The following RCL1 variants were observed in gnomAD, a reference collection of about 807,000 sequenced individuals.
RCL1 encodes RNA terminal phosphate cyclase like 1.
A neutral mutation model predicts 42.4 loss-of-function variants in RCL1; 24 were observed. The observed-to-expected ratio is 0.57, with a 90% CI of 0.41 to 0.80. The LOEUF (loss-of-function observed/expected upper bound fraction) is 0.80, where lower values mean the gene tolerates loss of function less well. Ranked by LOEUF, RCL1 falls within the 30% of genes least tolerant of loss-of-function variation. The pLI, the probability that RCL1 is intolerant of heterozygous loss-of-function variation, is 0.00. For synonymous variants in RCL1, 228 were observed against 177.3 expected (o/e 1.29, Z -2.27); for missense variants, 578 against 467.9 (o/e 1.24, Z -2.17).
At chr9:4,841,083 G>A (rs1817301606) in intron 5 of RCL1, 149 bp from the exon 6 acceptor site, 3 of 738,404 alleles carry the variant, frequency 4.1e-6, no homozygotes, top group Non-Finnish European at 2.2e-6. Flanking sequence ...ATTTAATTAT[G>A]GTACTAATTC....
At chr9:4,858,297 A>C (rs754092817) in intron 8 of RCL1, among the ~76,000 whole-genome samples, 50 of 151,996 alleles carry the variant, frequency 3.3e-4, no homozygotes, top group Non-Finnish European at 8.8e-5. Flanking sequence ...CCAATCCTGT[A>C]GGTTGTTTTT....
chr9:4,811,251 G>C (rs1450631115), intron 1 of RCL1, among the ~76,000 whole-genome samples: 1 of 150,522 alleles, frequency 6.6e-6, no homozygotes, highest in Non-Finnish European at 1.5e-5. Flanking sequence ...CACTGCACTG[G>C]GCAATAGAGC....
intron 1 of RCL1, among the ~76,000 whole-genome samples, chr9:4,813,479 C>G (rs1816254676): frequency 1.3e-5 from 2 of 152,164 alleles, no homozygotes; most frequent in Non-Finnish European, 2.9e-5. Context: ...AAATCAAAAC[C>G]ACAGTGAGAT....
chr9:4,827,570 C>G (rs1297336999), intron 3 of RCL1, among the ~76,000 whole-genome samples: 2 of 152,126 alleles, frequency 1.3e-5, no homozygotes, highest in East Asian at 1.9e-4. Flanking sequence ...TGGGTGTCAG[C>G]AAGCTTTTGA....
chr9:4,803,184 A>T (rs1287216437), intron 1 of RCL1, among the ~76,000 whole-genome samples: 1 of 152,128 alleles, frequency 6.6e-6, no homozygotes, highest in Non-Finnish European at 1.5e-5. Flanking sequence ...TATTTATCTT[A>T]CTTAGGTCAT....
intron 1 of RCL1, among the ~76,000 whole-genome samples, chr9:4,800,435 G>A (rs1038816801): frequency 1.3e-5 from 2 of 151,048 alleles, no homozygotes; most frequent in South Asian, 2.1e-4. Context: ...GGCTGGTCTC[G>A]AACTCCTGAT....
intron 5 of RCL1, among the ~76,000 whole-genome samples, chr9:4,839,094 T>C (rs1030308877): frequency 2.6e-5 from 4 of 152,232 alleles, no homozygotes; most frequent in Admixed American, 2.6e-4. Context: ...GGAGATAATC[T>C]GATTCTAGAA....
Position 4,829,489 on chromosome 9 carries a change from G to T in RCL1, c.384+2456G>T, listed in dbSNP as rs546558431. 2.5e-3 allele frequency among the ~76,000 whole-genome samples: 382 copies of T among 152,286 alleles called. 1 individual carries two copies. The highest frequency in any genetic ancestry group is 8.6e-3 in the African/African-American group (356 of 41,550). ...GAGTGATGCTTTTTATTTTGGTCTT[G>T]TTCCCTGGGATGTTGGCAGCCTAAC... On this transcript the variant is annotated intron_variant, in intron 3 of 8. Transcript: ENST00000381750.
chr9:4,798,121 G>A (rs1029154597), intron 1 of RCL1, among the ~76,000 whole-genome samples: 1 of 152,166 alleles, frequency 6.6e-6, no homozygotes, highest in Non-Finnish European at 1.5e-5. Flanking sequence ...AAGAGAATGT[G>A]GCCAGCTCCT....
At chr9:4,824,007 C>G (rs1469745915) in intron 2 of RCL1, among the ~76,000 whole-genome samples, 1 of 152,106 alleles carries the variant, frequency 6.6e-6, no homozygotes, top group Admixed American at 6.6e-5. Flanking sequence ...GAAGGGCGTA[C>G]ATTTGATTTA....
chr9:4,813,830 C>T (rs1381185312), intron 1 of RCL1, among the ~76,000 whole-genome samples: 3 of 152,164 alleles, frequency 2.0e-5, no homozygotes, highest in East Asian at 1.9e-4. Flanking sequence ...AAATGTGGCA[C>T]ATATACACCA....
Position 4,809,350 on chromosome 9 carries a change from G to T in RCL1, c.137-14198G>T, listed in dbSNP as rs930284351. On this transcript the variant is annotated intron_variant, in intron 1 of 8. Coordinates refer to ENST00000381750, the MANE Select transcript of RCL1 (RefSeq NM_005772.5). Reference sequence around the variant, plus strand: ...TTTTTAAATGGAGTCTTGCTCTGTCGCCAGGCTGGAGTGCAGTGGCAAGAT... The same window carrying T: ...TTTTTAAATGGAGTCTTGCTCTGTCTCCAGGCTGGAGTGCAGTGGCAAGAT... Among the ~76,000 whole-genome samples the T allele has an allele frequency of 4.6e-5, 7 of 150,698 alleles. No homozygotes were observed. The South Asian group carries it at 8.4e-4, about 18-fold the overall frequency.
intron 8 of RCL1, among the ~76,000 whole-genome samples, chr9:4,850,921 G>A (rs1410198074): frequency 6.6e-6 from 1 of 152,080 alleles, no homozygotes; most frequent in African/African-American, 2.4e-5. Context: ...TTGCACACAC[G>A]GTATGAGGTA....
chr9:4,858,835 T>C (rs1251026417), intron 8 of RCL1, among the ~76,000 whole-genome samples: 2 of 152,236 alleles, frequency 1.3e-5, no homozygotes, highest in East Asian at 1.9e-4. Context: ...TACTTCACTA[T>C]AGATGTGCAA....
In RCL1 at chr9:4,858,005, G is replaced by A. The variant is rs139935675; in HGVS notation, c.972-2120G>A. ...GAGTGCAGTGGTGCAATCATAGCTC[G>A]AGTAGCTAGGACTACAGGCTCCTGC... On this transcript the variant is annotated intron_variant, in intron 8 of 8. Transcript: ENST00000381750. Among the ~76,000 whole-genome samples, 7 of 131,446 alleles carry A rather than the reference G, an allele frequency of 5.3e-5. No individual in the cohort carries two copies. The East Asian group carries it at 1.8e-3, about 34-fold the overall frequency. The allele number at this position is 131,446 out of a possible 152,430, so 86.2% of individuals were successfully genotyped here. A position where few individuals can be genotyped will look rare whatever the true frequency, so the allele number is the denominator to read the frequency against.
chr9:4,860,863 G>A lies in RCL1; in HGVS notation c.*588G>A, dbSNP rs1563865706. On this transcript the variant is annotated 3_prime_UTR_variant, in exon 9 of 9. Transcript: ENST00000381750. ...GACACGGATCTTCATCTGGTTCATT[G>A]TATTTATATGTGAGGGATGGATGGC... 3 of 152,222 alleles carry A rather than the reference G, an allele frequency of 2.0e-5. No individual in the cohort carries two copies. The highest frequency in any genetic ancestry group is 4.8e-5 in the African/African-American group (2 of 41,422). 9.4% of individuals were successfully genotyped at this position (152,222 alleles called of 1,614,324 possible). A position where few individuals can be genotyped will look rare whatever the true frequency, so the allele number is the denominator to read the frequency against.
At chr9:4,838,064 G>A (rs930244649) in intron 5 of RCL1, among the ~76,000 whole-genome samples, 2 of 152,130 alleles carry the variant, frequency 1.3e-5, no homozygotes, top group African/African-American at 2.4e-5. Context: ...TTGGAGCCTG[G>A]GAAAAAAGAG....
intron 3 of RCL1, among the ~76,000 whole-genome samples, chr9:4,832,591 C>G (rs1816975539): frequency 6.6e-6 from 1 of 151,932 alleles, no homozygotes; most frequent in Non-Finnish European, 1.5e-5. Flanking sequence ...TGGCAGATTA[C>G]AAGTTCAAGA....
intron 2 of RCL1, among the ~76,000 whole-genome samples, chr9:4,824,255 C>G (rs535218331): frequency 1.3e-5 from 2 of 152,104 alleles, no homozygotes; most frequent in African/African-American, 4.8e-5. Flanking sequence ...CCCTTCACCT[C>G]TTTCCTCTTC....
Sources: gnomAD v4.1 joint callset for allele counts (sites outside exome capture counted in the v4.1 genomes callset) on GRCh38, gnomAD v4.1.1 for gene constraint, MANE v1.5 for transcripts, NCBI Gene and HGNC (gene_info 2026-07-23, HGNC 2026-07-21) for gene names.